The following COL19A1 variants were observed in gnomAD, a reference collection of about 807,000 sequenced individuals.
COL19A1 encodes the protein collagen type XIX alpha 1 chain, also known as collagen alpha-1(XIX) chain.
COL19A1 carries 159 observed loss-of-function variants against 190.2 expected under a neutral mutation model. That is an observed-to-expected ratio of 0.84 (90% confidence interval 0.73 to 0.95). COL19A1 has a LOEUF of 0.95. COL19A1 is among the 40% of genes least tolerant of loss of function. The pLI, the probability that COL19A1 is intolerant of heterozygous loss-of-function variation, is 0.00. For missense variants in COL19A1, 1,418 were observed against 1,431.9 expected, an observed-to-expected ratio of 0.99 and a Z score of 0.16; for synonymous variants, 509 against 458.9, an observed-to-expected ratio of 1.11 and a Z score of -1.39.
chr6:69,921,502 A>ATATTCATATATATTCATG (rs1561998746), intron 4 of COL19A1, among the ~76,000 whole-genome samples: 5 of 11,656 alleles, frequency 4.3e-4, no homozygotes, highest in South Asian at 4.8e-3. Context: ...ATATATTCAT[A>ATATTCATATATATTCATG]TATATTCATA....
chr6:69,957,743 T>C (rs941093431), intron 9 of COL19A1, among the ~76,000 whole-genome samples: 1 of 152,194 alleles, frequency 6.6e-6, no homozygotes, highest in African/African-American at 2.4e-5. Context: ...AACTAATGTG[T>C]ACCTTCCAGT....
chr6:70,048,757 G>GT (rs1307261320), intron 14 of COL19A1, among the ~76,000 whole-genome samples: 12 of 149,184 alleles, frequency 8.0e-5, no homozygotes, highest in Non-Finnish European at 1.6e-4. Flanking sequence ...GAGACCAATC[G>GT]TTTTTTAGTT....
intron 14 of COL19A1, among the ~76,000 whole-genome samples, chr6:70,061,113 G>C (rs1328964510): frequency 6.6e-6 from 1 of 152,082 alleles, no homozygotes; most frequent in Admixed American, 6.6e-5. Flanking sequence ...TAAACGGGAG[G>C]AACAGTGTCC....
intron 14 of COL19A1, among the ~76,000 whole-genome samples, chr6:70,041,078 G>A (rs1779613312): frequency 6.6e-6 from 1 of 152,058 alleles, no homozygotes; most frequent in South Asian, 2.1e-4. Flanking sequence ...GTGGGAATGT[G>A]GTTGAATTAC....
At chr6:70,110,233 A>T (rs988368083) in intron 16 of COL19A1, among the ~76,000 whole-genome samples, 5 of 152,054 alleles carry the variant, frequency 3.3e-5, no homozygotes, top group African/African-American at 1.2e-4. Flanking sequence ...TCATGTATCA[A>T]TGGGAATCCA....
In COL19A1 at chr6:70,164,122, C is replaced by T. The variant is rs559074087; in HGVS notation, c.2400+726C>T. 7.2e-5 allele frequency among the ~76,000 whole-genome samples: 11 copies of T among 152,252 alleles called. No individual in the cohort carries two copies. The South Asian group carries it at 2.3e-3, about 32-fold the overall frequency. On this transcript the variant is annotated intron_variant, in intron 36 of 50. Coordinates refer to ENST00000620364, the MANE Select transcript of COL19A1 (RefSeq NM_001858.6). ...ACAGTCGAGAAGTTCTGTCCCTAGACGGTCATGGGGGAAATTTACTGAAGA... is the reference window on the plus strand; with the variant it reads ...ACAGTCGAGAAGTTCTGTCCCTAGATGGTCATGGGGGAAATTTACTGAAGA...
rs752348728 is a variant in COL19A1 at position 70,121,911 on chromosome 6, C to A, written c.1310C>A (p.Thr437Asn). Residue 437 changes from threonine to asparagine, a missense_variant, in exon 17 of 51, where the codon ACT (threonine) becomes AAT (asparagine). Thr to Asn is a moderately conservative substitution (Grantham distance 65). Transcript: ENST00000620364. ...CCTGGAATACAAGGAATACACCAAA[C>A]TCTTGGTGGATATTATAACAAGGAT... is the stretch of plus-strand genomic sequence containing the variant. ...GPPGIQGIHQ[T>N]LGGYYNKDNK... The A allele has an allele frequency of 2.5e-6, 4 of 1,590,512 alleles. No individual in the cohort carries two copies. In the East Asian group the frequency reaches 6.8e-5, roughly 27 times the overall value.
chr6:70,147,337 A>G (rs1159179065), intron 27 of COL19A1, among the ~76,000 whole-genome samples: 1 of 152,158 alleles, frequency 6.6e-6, no homozygotes, highest in Non-Finnish European at 1.5e-5. Context: ...TGAAGAGATG[A>G]TGTTTTCAAT....
In COL19A1 at chr6:70,097,940, T is replaced by C. The variant is rs148882648; in HGVS notation, c.1225-4229T>C. Among the ~76,000 whole-genome samples the C allele has an allele frequency of 2.6e-3, 399 of 152,242 alleles. 2 individuals are homozygous for C. The highest frequency in any genetic ancestry group is 7.4e-3 in the African/African-American group (309 of 41,542). On this transcript the variant is annotated intron_variant, in intron 15 of 50. Coordinates refer to ENST00000620364, the MANE Select transcript of COL19A1 (RefSeq NM_001858.6). ...GCAGATATCTGACTTATCTCCAGGATTTTCACTCCACCCACACCCAAGTCC... is the reference window on the plus strand; with the variant it reads ...GCAGATATCTGACTTATCTCCAGGACTTTCACTCCACCCACACCCAAGTCC...
intron 11 of COL19A1, among the ~76,000 whole-genome samples, chr6:70,005,985 G>A (rs1011869866): frequency 6.6e-6 from 1 of 152,112 alleles, no homozygotes; most frequent in Non-Finnish European, 1.5e-5. Flanking sequence ...ATACCTATTG[G>A]GACCAAGCCA....
intron 4 of COL19A1, among the ~76,000 whole-genome samples, chr6:69,908,300 T>C (rs1357357043): frequency 6.6e-6 from 1 of 152,222 alleles, no homozygotes; most frequent in Non-Finnish European, 1.5e-5. Flanking sequence ...TGCCTATTTA[T>C]GCATCCCTTG....
At chr6:69,921,563 C>T (rs1456299902) in intron 4 of COL19A1, among the ~76,000 whole-genome samples, 2 of 113,158 alleles carry the variant, frequency 1.8e-5, no homozygotes, top group Admixed American at 9.4e-5. Context: ...TATATATATT[C>T]GTATATATTC....
intron 9 of COL19A1, among the ~76,000 whole-genome samples, chr6:69,956,692 G>A (rs933380079): frequency 6.6e-6 from 1 of 151,918 alleles, no homozygotes; most frequent in African/African-American, 2.4e-5. Flanking sequence ...ATTGGTTTTA[G>A]TCCTAGAATC....
rs567249612 is a variant in COL19A1 at position 69,890,509 on chromosome 6, C to G, written c.92-8439C>G. On this transcript the variant is annotated intron_variant, in intron 2 of 50. Coordinates refer to ENST00000620364, the MANE Select transcript of COL19A1 (RefSeq NM_001858.6). ...ATGTTTTCCATTTTCAGTGTCATCTCTAGTCCAAGCTACCATCATATCTGG... is the reference window on the plus strand; with the variant it reads ...ATGTTTTCCATTTTCAGTGTCATCTGTAGTCCAAGCTACCATCATATCTGG... 2.0e-4 allele frequency: 30 copies of G among 152,320 alleles called. 1 individual carries two copies. Among genetic ancestry groups the G allele is most frequent in the African/African-American group, 7.2e-4 (30 of 41,572 alleles). The allele number at this position is 152,320 out of a possible 1,614,324, so 9.4% of individuals were successfully genotyped here. A position where few individuals can be genotyped will look rare whatever the true frequency, so the allele number is the denominator to read the frequency against.
chr6:70,190,387 A>G lies in COL19A1; in HGVS notation c.3094+6A>G. 1 of 1,578,056 alleles carries G rather than the reference A, an allele frequency of 6.3e-7. No homozygotes were observed. Among genetic ancestry groups the G allele is most frequent in the South Asian group, 1.1e-5 (1 of 88,712 alleles). ...GGTCCTAAGGATTTTTGAAGGTTAG[A>G]TTTTCTTAATAACATTTTCGAATTT... On this transcript the variant is annotated splice_donor_region_variant and intron_variant, in intron 48 of 50. Transcript: ENST00000620364.
intron 18 of COL19A1, among the ~76,000 whole-genome samples, chr6:70,137,340 TCA>T (rs924182467): frequency 3.3e-5 from 5 of 152,158 alleles, no homozygotes; most frequent in African/African-American, 1.2e-4. Context: ...GTCTTTGAGA[TCA>T]CACACAAAAA....
intron 23 of COL19A1, 144 bp downstream of exon 23, chr6:70,142,964 C>A: frequency 1.5e-6 from 1 of 667,696 alleles, no homozygotes; most frequent in Non-Finnish European, 2.6e-6. Flanking sequence ...CTGATCATAC[C>A]TAATGTCAGG....
At chr6:69,895,790 G>C (rs1221142349) in intron 2 of COL19A1, among the ~76,000 whole-genome samples, 1 of 152,110 alleles carries the variant, frequency 6.6e-6, no homozygotes, top group Non-Finnish European at 1.5e-5. Context: ...TCTAGTTGTT[G>C]CATGTATCAA....
intron 11 of COL19A1, among the ~76,000 whole-genome samples, chr6:69,982,048 A>G (rs1382184658): frequency 6.6e-6 from 1 of 152,196 alleles, no homozygotes; most frequent in Non-Finnish European, 1.5e-5. Context: ...CATTGTTGCC[A>G]TCATAGCAAT....
Sources: allele counts gnomAD v4.1 joint callset (sites outside exome capture counted in the v4.1 genomes callset), GRCh38; gene constraint gnomAD v4.1.1; transcripts MANE v1.5; gene names NCBI Gene and HGNC (gene_info 2026-07-23, HGNC 2026-07-21).